SCAPER: variants seen among roughly 807,000 people sequenced by gnomAD.
SCAPER encodes the protein S-phase cyclin A associated protein in the ER, also known as S phase cyclin A-associated protein in the endoplasmic reticulum.
A neutral mutation model predicts 182.2 loss-of-function variants in SCAPER; 98 were observed. That is an observed-to-expected ratio of 0.54 (90% CI 0.46 to 0.64). The LOEUF (loss-of-function observed/expected upper bound fraction) is 0.64. Among genes scored for constraint, SCAPER ranks in the 30% least tolerant of loss-of-function variants. SCAPER has a pLI of 0.00. For synonymous variants in SCAPER, 605 were observed against 564.6 expected (o/e 1.07, Z -1.01); for missense variants, 1,432 against 1,690.0 (o/e 0.85, Z 2.68).
intron 24 of SCAPER, among the ~76,000 whole-genome samples, chr15:76,479,818 G>C (rs1037756715): frequency 6.6e-6 from 1 of 152,196 alleles, no homozygotes. Context: ...TCATACACCT[G>C]TGTCAAGAGA....
intron 22 of SCAPER, among the ~76,000 whole-genome samples, chr15:76,585,613 C>A (rs1316862676): frequency 6.6e-6 from 1 of 152,156 alleles, no homozygotes; most frequent in Admixed American, 6.5e-5. Flanking sequence ...GGCACAAGGA[C>A]CATTTTAATT....
chr15:76,739,274 A>G (rs1390567295), intron 15 of SCAPER, among the ~76,000 whole-genome samples: 2 of 152,190 alleles, frequency 1.3e-5, no homozygotes, highest in African/African-American at 4.8e-5. Flanking sequence ...CTTCTTCACA[A>G]TGTCACAAAT....
chr15:76,529,945 G>A (rs755483304), intron 23 of SCAPER, among the ~76,000 whole-genome samples: 15 of 152,164 alleles, frequency 9.9e-5, no homozygotes, highest in Non-Finnish European at 1.5e-4. Context: ...GTTGTATAAA[G>A]AGCAGACTGA....
At chr15:76,689,374 T>C (rs984650036) in intron 20 of SCAPER, among the ~76,000 whole-genome samples, 7 of 151,990 alleles carry the variant, frequency 4.6e-5, no homozygotes, top group Non-Finnish European at 8.8e-5. Context: ...AAAAACAAAG[T>C]GTAAAATACT....
chr15:76,561,706 C>T lies in SCAPER; in HGVS notation c.2838+12452G>A, dbSNP rs1012413088. 1.3e-4 allele frequency among the ~76,000 whole-genome samples: 19 copies of T among 150,916 alleles called. 1 individual carries two copies. The highest frequency in any genetic ancestry group is 4.2e-4 in the African/African-American group (17 of 40,932). Reference sequence around the variant, plus strand: ...ACGGGCAAGAAAAACAAAATGAAGTCTCTACCTCACTTTTTTTTTTTAGAC... The same window carrying T: ...ACGGGCAAGAAAAACAAAATGAAGTTTCTACCTCACTTTTTTTTTTTAGAC... On this transcript the variant is annotated intron_variant, in intron 23 of 31. Coordinates refer to ENST00000563290, the MANE Select transcript of SCAPER (RefSeq NM_020843.4).
intron 22 of SCAPER, among the ~76,000 whole-genome samples, chr15:76,600,574 C>T (rs1312625201): frequency 8.6e-6 from 1 of 116,406 alleles, no homozygotes; most frequent in Admixed American, 1.0e-4. Context: ...CTCAGCCTCC[C>T]GAGTAGCTGG....
intron 24 of SCAPER, among the ~76,000 whole-genome samples, chr15:76,479,369 C>G (rs2050915124): frequency 1.3e-5 from 2 of 152,126 alleles, no homozygotes; most frequent in Non-Finnish European, 2.9e-5. Flanking sequence ...TAACATCAAA[C>G]AGAAAGCACC....
At chr15:76,757,503 C>T (rs2062519388) in intron 14 of SCAPER, among the ~76,000 whole-genome samples, 1 of 151,882 alleles carries the variant, frequency 6.6e-6, no homozygotes, top group Non-Finnish European at 1.5e-5. Context: ...ATATTTTTCT[C>T]ATTTGTCAGC....
chr15:76,870,380 A>G (rs572401276), intron 2 of SCAPER, among the ~76,000 whole-genome samples: 1 of 152,244 alleles, frequency 6.6e-6, no homozygotes, highest in African/African-American at 2.4e-5. Flanking sequence ...CAGCAATAAA[A>G]TAAAATAAAT....
intron 22 of SCAPER, among the ~76,000 whole-genome samples, chr15:76,585,675 C>A (rs1024896825): frequency 6.6e-6 from 1 of 152,168 alleles, no homozygotes; most frequent in African/African-American, 2.4e-5. Context: ...AATTCTGAAC[C>A]TATCCTTCAA....
chr15:76,397,826 T>C (rs972461075), intron 27 of SCAPER, among the ~76,000 whole-genome samples: 1 of 152,170 alleles, frequency 6.6e-6, no homozygotes, highest in African/African-American at 2.4e-5. Context: ...ATGGTCTGTT[T>C]TGGTTTTGGA....
At chr15:76,728,519 A>G (rs1296556332) in intron 17 of SCAPER, 76 bp downstream of exon 17, 14 of 1,583,684 alleles carry the variant, frequency 8.8e-6, no homozygotes, top group Non-Finnish European at 1.1e-5. Flanking sequence ...ACTCTACATG[A>G]CAGTAAATGG....
chr15:76,440,918 G>GTTTTTTTTT (rs1187911987), intron 25 of SCAPER, among the ~76,000 whole-genome samples: 5 of 62,674 alleles, frequency 8.0e-5, no homozygotes, highest in African/African-American at 2.6e-4. Context: ...TTTTTTTTTT[G>GTTTTTTTTT]TTTTTTTTTT....
At chr15:76,807,949 G>A (rs929163349) in intron 5 of SCAPER, among the ~76,000 whole-genome samples, 5 of 151,880 alleles carry the variant, frequency 3.3e-5, no homozygotes, top group South Asian at 2.1e-4. Context: ...CACTACATGT[G>A]GTCCAACTTC....
At chr15:76,379,864 G>A (rs2042830673) in intron 28 of SCAPER, 1 of 152,178 alleles carries the variant, frequency 6.6e-6, no homozygotes, top group South Asian at 2.1e-4. Context: ...GAGGGGCAGG[G>A]AGCAGGGACC....
At chr15:76,640,824 G>A (rs2146373510) in intron 21 of SCAPER, among the ~76,000 whole-genome samples, 1 of 152,262 alleles carries the variant, frequency 6.6e-6, no homozygotes, top group Non-Finnish European at 1.5e-5. Flanking sequence ...ATGCCAGGTT[G>A]GACTGCCAGA....
chr15:76,795,111 C>T, intron 8 of SCAPER, 169 bp downstream of exon 8: 1 of 586,572 alleles, frequency 1.7e-6, no homozygotes, highest in Non-Finnish European at 2.7e-6. Context: ...ATCTACAGTG[C>T]TGAAAAGTAG....
intron 15 of SCAPER, among the ~76,000 whole-genome samples, chr15:76,752,230 T>C (rs1303017644): frequency 1.3e-5 from 2 of 151,482 alleles, no homozygotes; most frequent in African/African-American, 2.4e-5. Context: ...AACAAAATGA[T>C]GGGAGTTAGA....
intron 24 of SCAPER, among the ~76,000 whole-genome samples, chr15:76,498,855 G>T (rs968723958): frequency 6.6e-6 from 1 of 151,980 alleles, no homozygotes; most frequent in African/African-American, 2.4e-5. Flanking sequence ...CACATCATTC[G>T]AATTTTTTTA....
Sources: gnomAD v4.1 joint callset for allele counts (sites outside exome capture counted in the v4.1 genomes callset) on GRCh38, gnomAD v4.1.1 for gene constraint, MANE v1.5 for transcripts, NCBI Gene and HGNC (gene_info 2026-07-23, HGNC 2026-07-21) for gene names.